The following KIF6 variants were observed in gnomAD, a reference collection of about 807,000 sequenced individuals.
The protein encoded by KIF6 is kinesin family member 6.
KIF6 carries 106 observed loss-of-function variants against 112.7 expected under a neutral mutation model. The observed-to-expected ratio is 0.94, with a 90% CI of 0.80 to 1.11. The LOEUF (loss-of-function observed/expected upper bound fraction) is 1.11. Among genes scored for constraint, KIF6 ranks in the 50% least tolerant of loss-of-function variants. KIF6 has a pLI of 0.00. For missense variants in KIF6, 929 were observed against 964.0 expected, an observed-to-expected ratio of 0.96 and a Z score of 0.48; for synonymous variants, 339 against 339.9, an observed-to-expected ratio of 1.00 and a Z score of 0.03.
chr6:39,503,858 AAAAAAAG>A (rs371493063), intron 13 of KIF6, among the ~76,000 whole-genome samples: 3,454 of 150,514 alleles, frequency 0.023, 51 homozygotes, highest in Non-Finnish European at 0.034. Context: ...AGAAAAAAAA[AAAAAAAG>A]AAAAAAGAAA....
At chr6:39,704,059 A>T (rs554506030) in intron 3 of KIF6, among the ~76,000 whole-genome samples, 1 of 152,356 alleles carries the variant, frequency 6.6e-6, no homozygotes, top group African/African-American at 2.4e-5. Context: ...GGGAGAAACC[A>T]AATCTAAAAA....
intron 14 of KIF6, among the ~76,000 whole-genome samples, chr6:39,428,437 G>C (rs1770915524): frequency 6.6e-6 from 1 of 152,212 alleles, no homozygotes; most frequent in East Asian, 1.9e-4. Flanking sequence ...ATAAGCATTA[G>C]AAGGCTTGTG....
At chr6:39,664,028 T>C (rs183353929) in intron 3 of KIF6, among the ~76,000 whole-genome samples, 1 of 152,278 alleles carries the variant, frequency 6.6e-6, no homozygotes, top group East Asian at 1.9e-4. Context: ...GCTTACATTT[T>C]AGTAGAACTA....
chr6:39,590,895 A>G (rs1250527867), intron 7 of KIF6, among the ~76,000 whole-genome samples: 1 of 152,224 alleles, frequency 6.6e-6, no homozygotes, highest in Non-Finnish European at 1.5e-5. Flanking sequence ...ATTAGAAGGA[A>G]ACAAAAGATT....
At chr6:39,498,071 T>A (rs1240077411) in intron 13 of KIF6, among the ~76,000 whole-genome samples, 1 of 152,168 alleles carries the variant, frequency 6.6e-6, no homozygotes, top group Non-Finnish European at 1.5e-5. Context: ...GTGGGGCCCA[T>A]GTTCACTAAT....
intron 13 of KIF6, among the ~76,000 whole-genome samples, chr6:39,533,575 T>G (rs1229257223): frequency 6.6e-6 from 1 of 152,180 alleles, no homozygotes; most frequent in Non-Finnish European, 1.5e-5. Flanking sequence ...GCTCCACCTC[T>G]GGGGGCAGGG....
Position 39,584,933 on chromosome 6 carries a change from C to A in KIF6, c.1042G>T (p.Glu348Ter). 6.2e-7 allele frequency: 1 copy of A among 1,612,174 alleles called. No individual in the cohort carries two copies. Among genetic ancestry groups the A allele is most frequent in the Non-Finnish European group, 8.5e-7 (1 of 1,178,516 alleles). The part of the protein sequence containing the change: ...FAQRVALIKN[E>*]AVLNEEINPR... ...TTAATTTCTTCATTAAGAACAGCTT[C>A]ATTCTTTATGAGTGCCACTCGCTGT... The change falls in exon 9 of 23, where the codon GAA becomes TAA. Residue 348 changes from glutamate (E) to a stop codon, truncating the protein, a stop_gained. Coordinates refer to ENST00000287152, the MANE Select transcript of KIF6 (RefSeq NM_145027.6). LOFTEE classifies it high-confidence loss of function.
rs376124464 is a variant in KIF6, at chr6:39,700,367, T to C, written c.251+14325A>G. Among the ~76,000 whole-genome samples, 11 of 152,222 alleles carry C rather than the reference T, an allele frequency of 7.2e-5. No homozygotes were observed. The East Asian group carries it at 2.1e-3, about 29-fold the overall frequency. ...CAACATTAAGGTAAATTTCTGTAAA[T>C]TACTTCGAAATGTAAGTTTTAGTAT... On this transcript the variant is annotated intron_variant, in intron 3 of 22. Transcript: ENST00000287152.
rs1763430867 is a variant in KIF6, at chr6:39,343,049, G to A, written c.2428+660C>T. ...ATGCAGGCCTGGGGTAAGGGGCCCT[G>A]GGGCTTGCCCTGTGGGTGTGTTGGG... is the stretch of plus-strand genomic sequence containing the variant. On this transcript the variant is annotated intron_variant, in intron 22 of 22. Coordinates refer to ENST00000287152, the MANE Select transcript of KIF6 (RefSeq NM_145027.6). The surrounding 1 kb of genome is among the most constrained non-coding windows in gnomAD (Gnocchi z 4.1). 1.0e-6 allele frequency: 1 copy of A among 985,426 alleles called. No homozygotes were observed. The highest frequency in any genetic ancestry group is 1.2e-6 in the Non-Finnish European group (1 of 829,944). 61.0% of individuals were successfully genotyped at this position (985,426 alleles called of 1,614,324 possible).
At chr6:39,538,584 T>C (rs1778588945) in intron 13 of KIF6, among the ~76,000 whole-genome samples, 1 of 151,364 alleles carries the variant, frequency 6.6e-6, no homozygotes. Context: ...CTGGAGAGGA[T>C]GTGGAGAAAT....
intron 5 of KIF6, among the ~76,000 whole-genome samples, chr6:39,629,412 A>G (rs1561878534): frequency 6.6e-6 from 1 of 152,054 alleles, no homozygotes; most frequent in Non-Finnish European, 1.5e-5. Context: ...CAATTCCCTA[A>G]TGACAGGTGA....
chr6:39,616,485 C>T (rs1428006089), intron 5 of KIF6, among the ~76,000 whole-genome samples: 1 of 152,160 alleles, frequency 6.6e-6, no homozygotes, highest in Non-Finnish European at 1.5e-5. Flanking sequence ...GGGCTTCCCC[C>T]TGCTTAGGGC....
intron 13 of KIF6, among the ~76,000 whole-genome samples, chr6:39,528,233 T>G (rs150677859): frequency 5.9e-5 from 9 of 152,318 alleles, no homozygotes; most frequent in African/African-American, 2.2e-4. Flanking sequence ...TGTGCCTGGC[T>G]TATTTCAATT....
intron 3 of KIF6, among the ~76,000 whole-genome samples, chr6:39,693,553 A>G (rs1788348080): frequency 6.6e-6 from 1 of 152,184 alleles, no homozygotes; most frequent in African/African-American, 2.4e-5. Context: ...ATGCACATAA[A>G]CTAGAAAATC....
At position 39,378,786 on chromosome 6, in the gene KIF6, T is replaced by C. The variant is rs1766668479; in HGVS notation, c.1861+6836A>G. Among the ~76,000 whole-genome samples the C allele has an allele frequency of 6.6e-6, 1 of 152,214 alleles. No homozygotes were observed. Among genetic ancestry groups the C allele is most frequent in the Admixed American group, 6.5e-5 (1 of 15,280 alleles). On this transcript the variant is annotated intron_variant, in intron 16 of 22. Transcript: ENST00000287152. This position sits in a 1 kb window ranked among gnomAD's most constrained non-coding sequence, Gnocchi z 5.0. ...AACAAGATCCAGCCCTGATCAAATA[T>C]TGCTTAGAAGAGATATTTGAGAGAG...
intron 16 of KIF6, among the ~76,000 whole-genome samples, chr6:39,368,813 A>G (rs919887743): frequency 2.6e-5 from 4 of 152,214 alleles, no homozygotes; most frequent in Non-Finnish European, 5.9e-5. Flanking sequence ...CACCAAAGCC[A>G]AAAGGGGCCC....
intron 13 of KIF6, among the ~76,000 whole-genome samples, chr6:39,538,730 G>T (rs1464693015): frequency 3.3e-5 from 5 of 150,270 alleles, no homozygotes; most frequent in South Asian, 2.2e-4. Flanking sequence ...TATACCCAAA[G>T]GACTATAAAT....
At chr6:39,683,270 T>C (rs1424905200) in intron 3 of KIF6, among the ~76,000 whole-genome samples, 2 of 152,094 alleles carry the variant, frequency 1.3e-5, no homozygotes, top group African/African-American at 4.8e-5. Context: ...GGTTAGAGGA[T>C]TGCTGCAAAA....
At chr6:39,410,127 G>A (rs72850633) in intron 15 of KIF6, among the ~76,000 whole-genome samples, 12,426 of 152,294 alleles carry the variant, frequency 0.082, 810 homozygotes, top group East Asian at 0.32. Context: ...ATATGCCCCT[G>A]TGGCTCTGCA....
Sources: gnomAD v4.1 joint callset for allele counts (sites outside exome capture counted in the v4.1 genomes callset) on GRCh38, gnomAD v4.1.1 for gene constraint, Gnocchi (gnomAD v3.1) non-coding constraint, MANE v1.5 for transcripts, NCBI Gene and HGNC (gene_info 2026-07-23, HGNC 2026-07-21) for gene names.